LPP: variants seen among roughly 807,000 people sequenced by gnomAD.
The protein encoded by LPP is lipoma-preferred partner.
A neutral mutation model predicts 60.4 loss-of-function variants in LPP; 38 were observed. The observed-to-expected ratio is 0.63, with a 90% confidence interval of 0.49 to 0.83. The LOEUF is 0.83. LPP is among the 40% of genes least tolerant of loss of function. LPP has a pLI of 0.00. For synonymous variants in LPP, 328 were observed against 290.8 expected, an observed-to-expected ratio of 1.13 and a Z score of -1.30; for missense variants, 902 against 783.6, an observed-to-expected ratio of 1.15 and a Z score of -1.80.
At chr3:188,475,885 A>G (rs1803058545) in intron 4 of LPP, among the ~76,000 whole-genome samples, 1 of 152,242 alleles carries the variant, frequency 6.6e-6, no homozygotes, top group South Asian at 2.1e-4. Flanking sequence ...CCTGGGCGAC[A>G]GAGCAAAACT....
intron 2 of LPP, among the ~76,000 whole-genome samples, chr3:188,235,924 C>T (rs1721740333): frequency 6.6e-6 from 1 of 151,658 alleles, no homozygotes; most frequent in African/African-American, 2.4e-5. Context: ...TGTAGAAGCT[C>T]CTTGAGGGCA....
intron 1 of LPP, chr3:188,180,849 A>G (rs1383195581): frequency 1.3e-5 from 2 of 152,150 alleles, no homozygotes. Flanking sequence ...TTTCATCTTA[A>G]GAATATACCA....
At chr3:188,542,422 T>G (rs1825449758) in intron 6 of LPP, among the ~76,000 whole-genome samples, 1 of 152,226 alleles carries the variant, frequency 6.6e-6, no homozygotes, top group African/African-American at 2.4e-5. Flanking sequence ...CTTTTCTAAC[T>G]GTTTTCAGGA....
intron 7 of LPP, among the ~76,000 whole-genome samples, chr3:188,689,917 A>ATT (rs35411155): frequency 0.015 from 2,256 of 147,674 alleles, 46 homozygotes; most frequent in African/African-American, 0.044. Context: ...TTCTGAGCTC[A>ATT]TTTTTTTTTT....
chr3:188,534,121 TCC>T (rs1822933695), intron 6 of LPP, among the ~76,000 whole-genome samples: 1 of 152,184 alleles, frequency 6.6e-6, no homozygotes, highest in Non-Finnish European at 1.5e-5. Context: ...GTATCTTAGC[TCC>T]TAGTGGGGAT....
rs1769346542 is a variant in LPP at position 188,877,163 on chromosome 3, T to C, written c.*2684T>C. Reference sequence around the variant, plus strand: ...TGATTTATATTACTGTCTTTTCTATTAATCATTTGATTTAAACAATGCCAA... The same window carrying C: ...TGATTTATATTACTGTCTTTTCTATCAATCATTTGATTTAAACAATGCCAA... On this transcript the variant is annotated 3_prime_UTR_variant, in exon 12 of 12. Transcript: ENST00000617246. The C allele has an allele frequency of 5.7e-6, 1 of 174,586 alleles. No individual in the cohort carries two copies. The highest frequency in any genetic ancestry group is 2.4e-5 in the African/African-American group (1 of 42,192). 10.8% of individuals were successfully genotyped at this position (174,586 alleles called of 1,614,324 possible).
At chr3:188,744,995 CT>C (rs1181809415) in intron 8 of LPP, among the ~76,000 whole-genome samples, 1 of 151,962 alleles carries the variant, frequency 6.6e-6, no homozygotes, top group African/African-American at 2.4e-5. Context: ...CCCCTTCCTG[CT>C]TTTTAGGGAG....
intron 5 of LPP, among the ~76,000 whole-genome samples, chr3:188,486,110 A>C (rs1323033398): frequency 6.6e-6 from 1 of 152,288 alleles, no homozygotes; most frequent in African/African-American, 2.4e-5. Context: ...TGATATAGGC[A>C]TACAGTCTTT....
intron 9 of LPP, among the ~76,000 whole-genome samples, chr3:188,761,616 T>A (rs1226067778): frequency 6.6e-6 from 1 of 152,188 alleles, no homozygotes; most frequent in African/African-American, 2.4e-5. Flanking sequence ...ATCATTAGTG[T>A]CAGAACCAAG....
chr3:188,428,594 A>AT (rs138669629), intron 4 of LPP, among the ~76,000 whole-genome samples: 1,313 of 99,440 alleles, frequency 0.013, 12 homozygotes, highest in South Asian at 0.042. Context: ...ATATATATAT[A>AT]TATTTTTTTT....
In LPP at chr3:188,884,430, T is replaced by G; in HGVS notation, c.*9951T>G. The G allele has an allele frequency of 4.4e-6, 1 of 229,774 alleles. No individual in the cohort carries two copies. Among genetic ancestry groups the G allele is most frequent in the East Asian group, 6.2e-5 (1 of 16,082 alleles). 14.2% of individuals were successfully genotyped at this position (229,774 alleles called of 1,614,324 possible). A position where few individuals can be genotyped will look rare whatever the true frequency, so the allele number is the denominator to read the frequency against. Reference sequence around the variant, plus strand: ...CAAATCCACATGTGTACTGCGGTCTTTAGAGATCATTTAGAGCTTGCACAC... The same window carrying G: ...CAAATCCACATGTGTACTGCGGTCTGTAGAGATCATTTAGAGCTTGCACAC... On this transcript the variant is annotated 3_prime_UTR_variant, in exon 12 of 12. Transcript: ENST00000617246.
intron 3 of LPP, among the ~76,000 whole-genome samples, chr3:188,347,508 G>A (rs1019693820): frequency 1.3e-5 from 2 of 152,050 alleles, no homozygotes; most frequent in East Asian, 1.9e-4. Context: ...GAGTAGTTAG[G>A]GTCATAGTGC....
intron 5 of LPP, among the ~76,000 whole-genome samples, chr3:188,485,520 G>A (rs941562877): frequency 1.7e-4 from 26 of 152,126 alleles, no homozygotes; most frequent in African/African-American, 5.3e-4. Flanking sequence ...GGAATGGGCC[G>A]GGCGCGGTGG....
chr3:188,838,473 C>T (rs1353585125), intron 9 of LPP, among the ~76,000 whole-genome samples: 1 of 152,162 alleles, frequency 6.6e-6, no homozygotes, highest in African/African-American at 2.4e-5. Context: ...TCCTCACTGT[C>T]TCCTCTATCT....
At chr3:188,181,305 A>G (rs1724918830) in intron 1 of LPP, among the ~76,000 whole-genome samples, 1 of 148,030 alleles carries the variant, frequency 6.8e-6, no homozygotes, top group African/African-American at 2.5e-5. Flanking sequence ...GTGAGCTGAG[A>G]TTGTATCACT....
intron 7 of LPP, among the ~76,000 whole-genome samples, chr3:188,672,772 A>G (rs1419185866): frequency 6.6e-6 from 1 of 152,024 alleles, no homozygotes; most frequent in Non-Finnish European, 1.5e-5. Flanking sequence ...CTTTGACAAC[A>G]CCTTTTAGAG....
intron 6 of LPP, among the ~76,000 whole-genome samples, chr3:188,590,022 C>T (rs1201122500): frequency 1.8e-4 from 27 of 152,194 alleles, no homozygotes; most frequent in Admixed American, 1.4e-3. Context: ...AGCACTCTTT[C>T]GTATACTTAA....
intron 3 of LPP, among the ~76,000 whole-genome samples, chr3:188,373,394 C>T (rs1257384069): frequency 6.6e-6 from 1 of 152,066 alleles, no homozygotes; most frequent in African/African-American, 2.4e-5. Flanking sequence ...TTAATGATCA[C>T]CATTCTAACT....
At chr3:188,845,992 A>G (rs981661006) in intron 9 of LPP, among the ~76,000 whole-genome samples, 1 of 152,226 alleles carries the variant, frequency 6.6e-6, no homozygotes, top group African/African-American at 2.4e-5. Flanking sequence ...GATTCACACT[A>G]TTAATCTCGA....
Sources: gnomAD v4.1 joint callset for allele counts (sites outside exome capture counted in the v4.1 genomes callset) on GRCh38, gnomAD v4.1.1 for gene constraint, MANE v1.5 for transcripts, NCBI Gene and HGNC (gene_info 2026-07-23, HGNC 2026-07-21) for gene names.